Variants in SORBS2 observed in about 807,000 individuals in gnomAD.
SORBS2 encodes the protein sorbin and SH3 domain containing 2, also known as sorbin and SH3 domain-containing protein 2.
A neutral mutation model predicts 97.7 loss-of-function variants in SORBS2; 46 were observed. The observed-to-expected ratio is 0.47, with a 90% CI of 0.37 to 0.60. The LOEUF (loss-of-function observed/expected upper bound fraction) is 0.60, where lower values mean the gene tolerates loss of function less well. Among genes scored for constraint, SORBS2 ranks in the 20% least tolerant of loss-of-function variants. The pLI, the probability that SORBS2 is intolerant of heterozygous loss-of-function variation, is 0.00. For missense variants in SORBS2, 1,316 were observed against 1,282.3 expected, an observed-to-expected ratio of 1.03 and a Z score of -0.40; for synonymous variants, 476 against 473.4, an observed-to-expected ratio of 1.01 and a Z score of -0.07.
rs147912623 is a variant in SORBS2, at chr4:185,892,438, G to A, written c.-338+63758C>T. Among the ~76,000 whole-genome samples the A allele has an allele frequency of 1.1e-4, 16 of 152,280 alleles. No individual in the cohort carries two copies. The East Asian group carries it at 3.1e-3, about 29-fold the overall frequency. ...GCAATGTCAGCATTCCCATAGATTC[G>A]ATTCTACTGATAAGGACTTTGATTA... On this transcript the variant is annotated intron_variant, in intron 1 of 20. Coordinates refer to the SORBS2 transcript ENST00000284776.
chr4:185,743,910 T>C (rs983464232), intron 2 of SORBS2, among the ~76,000 whole-genome samples: 6 of 149,606 alleles, frequency 4.0e-5, no homozygotes, highest in Admixed American at 1.3e-4. Context: ...CTCCTTCTCC[T>C]TCTTCTATTT....
At chr4:185,719,402 C>T (rs116722285) in intron 2 of SORBS2, among the ~76,000 whole-genome samples, 92 of 152,276 alleles carry the variant, frequency 6.0e-4, no homozygotes, top group African/African-American at 2.2e-3. Flanking sequence ...AATTCAGACA[C>T]GTTTTTCTCT....
intron 4 of SORBS2, chr4:185,677,766 G>C: frequency 1.9e-6 from 1 of 528,174 alleles, no homozygotes; most frequent in East Asian, 4.2e-5. Flanking sequence ...CACACCTTCT[G>C]ATTATGCTAT....
chr4:185,598,056 C>T (rs1441098087), intron 12 of SORBS2, among the ~76,000 whole-genome samples: 2 of 152,156 alleles, frequency 1.3e-5, no homozygotes, highest in Non-Finnish European at 2.9e-5. Flanking sequence ...CCCCTAACTT[C>T]TTAGCAGTTT....
At chr4:185,897,914 G>T (rs1023165452) in intron 1 of SORBS2, among the ~76,000 whole-genome samples, 1 of 152,154 alleles carries the variant, frequency 6.6e-6, no homozygotes, top group African/African-American at 2.4e-5. Flanking sequence ...GCAGGTGCCT[G>T]TAATCCCAGC....
chr4:185,609,913 G>A (rs2096505467), intron 12 of SORBS2, among the ~76,000 whole-genome samples: 1 of 152,182 alleles, frequency 6.6e-6, no homozygotes, highest in South Asian at 2.1e-4. Context: ...TCACAGCATG[G>A]ATTACCAGTT....
At position 185,692,229 on chromosome 4, in the gene SORBS2, C is replaced by T. The variant is rs560328490; in HGVS notation, c.-197-13407G>A. On this transcript the variant is annotated intron_variant, in intron 2 of 20. Coordinates refer to the SORBS2 transcript ENST00000284776. The stretch of plus-strand genomic sequence containing the variant: ...CACTTGGCCTTTGCTCCTGAGTGGG[C>T]CTGTTGTTGAGTATCCACAAGAACC... Among the ~76,000 whole-genome samples, 88 of 152,274 alleles carry T rather than the reference C, an allele frequency of 5.8e-4. 1 individual carries two copies. In the South Asian group the frequency reaches 0.018, roughly 31 times the overall value.
At chr4:185,857,339 G>T (rs1428650669) in intron 1 of SORBS2, among the ~76,000 whole-genome samples, 1 of 152,092 alleles carries the variant, frequency 6.6e-6, no homozygotes, top group Admixed American at 6.6e-5. Context: ...AATTTCTTAT[G>T]CCTGTCTTTA....
intron 2 of SORBS2, among the ~76,000 whole-genome samples, chr4:185,748,568 C>T (rs1047987143): frequency 6.6e-6 from 1 of 152,242 alleles, no homozygotes; most frequent in East Asian, 1.9e-4. Flanking sequence ...GCCTCACGAG[C>T]AATTTTAAGG....
rs538992367 is a variant in SORBS2 at position 185,665,815 on chromosome 4, C to T, written c.-45-3573G>A. The T allele has an allele frequency of 2.9e-4, 326 of 1,114,394 alleles. 1 individual carries two copies. The African/African-American group carries it at 4.8e-3, about 17-fold the overall frequency. The allele number at this position is 1,114,394 out of a possible 1,614,324, so 69.0% of individuals were successfully genotyped here. ...CCAGGTGGGGGAGGGTGTCTCAGAA[C>T]GGCCAGTGGTGTCAGAGTCACCAAT... On this transcript the variant is annotated intron_variant, in intron 4 of 20. Transcript: ENST00000284776.
chr4:185,835,150 C>G (rs896794791), intron 1 of SORBS2, among the ~76,000 whole-genome samples: 2 of 152,184 alleles, frequency 1.3e-5, no homozygotes, highest in African/African-American at 4.8e-5. Flanking sequence ...CTTCCTGAAG[C>G]CTCCGCAGAA....
intron 1 of SORBS2, among the ~76,000 whole-genome samples, chr4:185,853,505 T>G (rs1006153131): frequency 6.6e-6 from 1 of 152,178 alleles, no homozygotes; most frequent in Non-Finnish European, 1.5e-5. Flanking sequence ...GATAATGCTT[T>G]CTTTCTTGTG....
intron 1 of SORBS2, among the ~76,000 whole-genome samples, chr4:185,943,649 T>C (rs899282462): frequency 6.6e-6 from 1 of 152,060 alleles, no homozygotes; most frequent in African/African-American, 2.4e-5. Context: ...AGAGATGAAA[T>C]TCCTGAGCCT....
chr4:185,903,169 C>A (rs1304552740), intron 1 of SORBS2, among the ~76,000 whole-genome samples: 2 of 152,060 alleles, frequency 1.3e-5, no homozygotes, highest in Admixed American at 1.3e-4. Context: ...TAAAACACAG[C>A]TTTATATTTT....
intron 1 of SORBS2, among the ~76,000 whole-genome samples, chr4:185,844,836 A>G (rs2099213601): frequency 6.6e-6 from 1 of 152,224 alleles, no homozygotes; most frequent in Non-Finnish European, 1.5e-5. Context: ...CTTATGCTAA[A>G]TGAAAGAGTG....
chr4:185,835,068 C>A (rs868726978), intron 1 of SORBS2, among the ~76,000 whole-genome samples: 2 of 152,156 alleles, frequency 1.3e-5, no homozygotes, highest in East Asian at 1.9e-4. Context: ...CAGCTCCCCC[C>A]AATCTCTCCC....
At chr4:185,680,237 G>C (rs1582588776) in intron 2 of SORBS2, among the ~76,000 whole-genome samples, 1 of 152,130 alleles carries the variant, frequency 6.6e-6, no homozygotes, top group South Asian at 2.1e-4. Flanking sequence ...TTGAAATAGT[G>C]GGCTCAAGAG....
chr4:185,782,907 A>T (rs1427402983), intron 1 of SORBS2, among the ~76,000 whole-genome samples: 1 of 152,242 alleles, frequency 6.6e-6, no homozygotes, highest in Admixed American at 6.5e-5. Context: ...GGGCACAGGA[A>T]GGCTTGCTAT....
At chr4:185,922,698 T>A (rs1027451205) in intron 1 of SORBS2, among the ~76,000 whole-genome samples, 29 of 152,238 alleles carry the variant, frequency 1.9e-4, no homozygotes, top group African/African-American at 6.5e-4. Context: ...GAAAATCTTT[T>A]GTAGACTTTC....
Sources: allele counts gnomAD v4.1 joint callset (sites outside exome capture counted in the v4.1 genomes callset), GRCh38; gene constraint gnomAD v4.1.1; transcripts MANE v1.5; gene names NCBI Gene and HGNC (gene_info 2026-07-23, HGNC 2026-07-21).